SAAL1: variants seen among roughly 807,000 people sequenced by gnomAD.
SAAL1 encodes protein SAAL1.
SAAL1 carries 42 observed loss-of-function variants against 59.8 expected under a neutral mutation model. That is an observed-to-expected ratio of 0.70 (90% confidence interval 0.55 to 0.91). The LOEUF (loss-of-function observed/expected upper bound fraction) is 0.91, where lower values mean the gene tolerates loss of function less well. SAAL1 is among the 40% of genes least tolerant of loss of function. The pLI is 0.00. For synonymous variants in SAAL1, 191 were observed against 194.3 expected (o/e 0.98, Z 0.14); for missense variants, 542 against 561.1 (o/e 0.97, Z 0.34).
Position 18,096,363 on chromosome 11 carries a change from T to A in SAAL1, c.333+408A>T, listed in dbSNP as rs183585730. Among the ~76,000 whole-genome samples the A allele has an allele frequency of 2.6e-3, 398 of 152,198 alleles. 2 individuals carry two copies. Among genetic ancestry groups the A allele is most frequent in the Non-Finnish European group, 4.6e-3 (316 of 68,008 alleles). ...GGGAGGCCAAGGTGGGAGGATCACTTGAGGCCAGGAGTTCAAGACCAGCCT... is the reference window on the plus strand; with the variant it reads ...GGGAGGCCAAGGTGGGAGGATCACTAGAGGCCAGGAGTTCAAGACCAGCCT... On this transcript the variant is annotated intron_variant, in intron 3 of 11. Transcript: ENST00000524803.
chr11:18,101,809 C>T (rs1488371018), intron 2 of SAAL1, among the ~76,000 whole-genome samples: 5 of 139,930 alleles, frequency 3.6e-5, no homozygotes, highest in African/African-American at 1.1e-4. Context: ...TAATGGAATA[C>T]CATTCAGCAA....
chr11:18,096,862 GA>G lies in SAAL1; in HGVS notation c.250-9del, dbSNP rs1206186223. 9.0e-6 allele frequency: 13 copies of G among 1,440,410 alleles called. No individual in the cohort carries two copies. In the African/African-American group the frequency reaches 1.3e-4, roughly 14 times the overall value. 89.2% of individuals were successfully genotyped at this position (1,440,410 alleles called of 1,614,324 possible). A position where few individuals can be genotyped will look rare whatever the true frequency, so the allele number is the denominator to read the frequency against. On this transcript the variant is annotated splice_polypyrimidine_tract_variant and intron_variant, in intron 2 of 11. Coordinates refer to ENST00000524803, the MANE Select transcript of SAAL1 (RefSeq NM_138421.3). ...GAGAAATAAAGCCACGTCCTGAAAA[GA>G]AAAATGATTATTAACTTGGATGTTG...
intron 2 of SAAL1, among the ~76,000 whole-genome samples, chr11:18,097,177 C>T (rs113199262): frequency 0.098 from 14,877 of 151,868 alleles, 799 homozygotes; most frequent in Middle Eastern, 0.14. Flanking sequence ...GCAGAGGTTG[C>T]AGTGAGCTGA....
chr11:18,092,101 C>G, intron 4 of SAAL1, 144 bp downstream of exon 4: 1 of 539,892 alleles, frequency 1.9e-6, no homozygotes, highest in East Asian at 3.0e-5. Context: ...TAGCTATCAT[C>G]AACACACAAT....
intron 2 of SAAL1, among the ~76,000 whole-genome samples, chr11:18,098,439 CT>C (rs2134063962): frequency 1.3e-5 from 2 of 152,304 alleles, no homozygotes; most frequent in South Asian, 4.1e-4. Flanking sequence ...AGTCAGTTTG[CT>C]TGGGGACCTG....
intron 3 of SAAL1, among the ~76,000 whole-genome samples, chr11:18,094,477 A>G (rs1848552763): frequency 6.6e-6 from 1 of 152,124 alleles, no homozygotes; most frequent in African/African-American, 2.4e-5. Flanking sequence ...CAAGCAGAGA[A>G]TGCCTGAACA....
chr11:18,098,822 G>C (rs932728907), intron 2 of SAAL1, among the ~76,000 whole-genome samples: 2 of 152,232 alleles, frequency 1.3e-5, no homozygotes, highest in African/African-American at 2.4e-5. Flanking sequence ...AAATTTAATG[G>C]TAATTCCTGG....
At chr11:18,097,282 GA>G (rs1028098128) in intron 2 of SAAL1, among the ~76,000 whole-genome samples, 14 of 146,494 alleles carry the variant, frequency 9.6e-5, no homozygotes, top group African/African-American at 1.7e-4. Flanking sequence ...TTAGACACAA[GA>G]AAAAAAAAAC....
Position 18,097,534 on chromosome 11 carries a change from G to A in SAAL1, c.250-680C>T, listed in dbSNP as rs560248239. Among the ~76,000 whole-genome samples the A allele has an allele frequency of 5.3e-5, 8 of 152,188 alleles. No individual in the cohort carries two copies. In the East Asian group the frequency reaches 9.7e-4, roughly 18 times the overall value. ...ACCTATCAGGTATTAAACTAGAAGC[G>A]GGGGACAAGGGAAAAAAGCAACACG... On this transcript the variant is annotated intron_variant, in intron 2 of 11. Coordinates refer to ENST00000524803, the MANE Select transcript of SAAL1 (RefSeq NM_138421.3).
At chr11:18,084,556 T>C (rs1848442850) in intron 9 of SAAL1, among the ~76,000 whole-genome samples, 1 of 152,020 alleles carries the variant, frequency 6.6e-6, no homozygotes, top group African/African-American at 2.4e-5. Context: ...GCTTTTACAC[T>C]TTCCATTCCC....
intron 2 of SAAL1, among the ~76,000 whole-genome samples, chr11:18,097,559 G>A (rs999012220): frequency 2.6e-5 from 4 of 152,206 alleles, no homozygotes; most frequent in South Asian, 2.1e-4. Flanking sequence ...AAAGCAACAC[G>A]CTGGGCGCAG....
intron 5 of SAAL1, 34 bp from the exon 6 acceptor site, chr11:18,090,324 T>TAAA (rs767418207): frequency 7.3e-7 from 1 of 1,376,566 alleles, no homozygotes. Flanking sequence ...TTTCTACTTT[T>TAAA]CAAAAAAAAA....
chr11:18,093,725 A>G (rs1052877264), intron 3 of SAAL1: 1 of 152,228 alleles, frequency 6.6e-6, no homozygotes, highest in Non-Finnish European at 1.5e-5. Context: ...ATCTCCAACT[A>G]GAACACGGCA....
intron 3 of SAAL1, 45 bp from the exon 4 acceptor site, chr11:18,092,369 G>C (rs766556080): frequency 8.2e-7 from 1 of 1,221,908 alleles, no homozygotes; most frequent in Non-Finnish European, 1.2e-6. Flanking sequence ...TGAGACGAAA[G>C]ACGTAAACAA....
chr11:18,093,099 G>A (rs11024477), intron 3 of SAAL1, among the ~76,000 whole-genome samples: 69,795 of 151,990 alleles, frequency 0.46, 17,627 homozygotes, highest in African/African-American at 0.67. Context: ...CACACTGTAT[G>A]TGCTGCCTGC....
chr11:18,093,042 T>G (rs1564871549), intron 3 of SAAL1, among the ~76,000 whole-genome samples: 1 of 152,192 alleles, frequency 6.6e-6, no homozygotes, highest in Non-Finnish European at 1.5e-5. Flanking sequence ...GATGAAATCT[T>G]GCACCGTCTC....
chr11:18,092,176 T>C (rs1848529597), intron 4 of SAAL1, 69 bp downstream of exon 4: 2 of 780,566 alleles, frequency 2.6e-6, no homozygotes, highest in African/African-American at 3.6e-5. Context: ...CTACTTTTCC[T>C]ATGTATTAGA....
Position 18,103,280 on chromosome 11 carries a change from C to A in SAAL1, c.202G>T (p.Glu68Ter). The A allele has an allele frequency of 6.2e-7, 1 of 1,614,084 alleles. No individual in the cohort carries two copies. The highest frequency in any genetic ancestry group is 8.5e-7 in the Non-Finnish European group (1 of 1,179,994). ...DEEQLTELDE[E>*]MENEICRVWD... The stretch of plus-strand genomic sequence containing the variant: ...ACTCTGCAAATTTCATTCTCCATTT[C>A]TTCATCAAGCTCCGTCAGCTGCTCC... The change falls in exon 2 of 12, where the codon GAA becomes TAA. Residue 68 changes from glutamate (E) to a stop codon, truncating the protein, a stop_gained. Transcript: ENST00000524803. LOFTEE classifies it high-confidence loss of function.
chr11:18,097,187 A>G (rs894543822), intron 2 of SAAL1, among the ~76,000 whole-genome samples: 32 of 152,134 alleles, frequency 2.1e-4, no homozygotes, highest in African/African-American at 7.7e-4. Context: ...CAGTGAGCTG[A>G]GATCACGCCA....
Sources: allele counts gnomAD v4.1 joint callset (sites outside exome capture counted in the v4.1 genomes callset), GRCh38; gene constraint gnomAD v4.1.1; transcripts MANE v1.5; gene names NCBI Gene and HGNC (gene_info 2026-07-23, HGNC 2026-07-21).